Variants in AKAP13 observed in about 807,000 individuals in gnomAD.
AKAP13 encodes A-kinase anchor protein 13.
AKAP13 carries 80 observed loss-of-function variants against 264.5 expected under a neutral mutation model. The observed-to-expected ratio is 0.30, with a 90% CI of 0.25 to 0.36. The LOEUF is 0.36. AKAP13 is among the 10% of genes least tolerant of loss of function. The pLI is 1.00. For missense variants in AKAP13, 3,712 were observed against 3,435.2 expected, an observed-to-expected ratio of 1.08 and a Z score of -2.01; for synonymous variants, 1,380 against 1,250.2, an observed-to-expected ratio of 1.10 and a Z score of -2.19.
intron 8 of AKAP13, among the ~76,000 whole-genome samples, chr15:85,624,834 A>G (rs1162560674): frequency 6.6e-6 from 1 of 152,216 alleles, no homozygotes; most frequent in Non-Finnish European, 1.5e-5. Flanking sequence ...ATGGGAACAC[A>G]TTGTGGGTGT....
At chr15:85,423,565 C>A (rs1344303895) in intron 1 of AKAP13, among the ~76,000 whole-genome samples, 1 of 152,230 alleles carries the variant, frequency 6.6e-6, no homozygotes, top group Non-Finnish European at 1.5e-5. Context: ...GTTTCCACCA[C>A]ATGTCCAGTG....
At chr15:85,625,777 A>G (rs2081381286) in intron 8 of AKAP13, among the ~76,000 whole-genome samples, 1 of 152,242 alleles carries the variant, frequency 6.6e-6, no homozygotes, top group Non-Finnish European at 1.5e-5. Context: ...AAGCACTCTG[A>G]CAGTGTTTCA....
At chr15:85,720,468 C>G (rs1251327174) in intron 23 of AKAP13, among the ~76,000 whole-genome samples, 1 of 152,148 alleles carries the variant, frequency 6.6e-6, no homozygotes, top group East Asian at 1.9e-4. Flanking sequence ...AAAAATTCAG[C>G]TAAAATTACT....
chr15:85,638,516 C>A (rs1336267080), intron 8 of AKAP13, among the ~76,000 whole-genome samples: 1 of 152,084 alleles, frequency 6.6e-6, no homozygotes, highest in Non-Finnish European at 1.5e-5. Context: ...CAAGTTTTCT[C>A]TATCTTGCTG....
At chr15:85,494,625 T>TAG (rs2075821425) in intron 2 of AKAP13, among the ~76,000 whole-genome samples, 1 of 152,106 alleles carries the variant, frequency 6.6e-6, no homozygotes, top group African/African-American at 2.4e-5. Context: ...CATTGTATGT[T>TAG]AGGAGTGGTT....
intron 1 of AKAP13, among the ~76,000 whole-genome samples, chr15:85,395,802 G>A (rs765597505): frequency 5.8e-4 from 88 of 151,892 alleles, no homozygotes; most frequent in Non-Finnish European, 1.0e-3. Flanking sequence ...TCCTTTCCCC[G>A]GTTAATCTAG....
chr15:85,515,179 A>G (rs1368444242), intron 2 of AKAP13, among the ~76,000 whole-genome samples: 4 of 138,818 alleles, frequency 2.9e-5, no homozygotes, highest in African/African-American at 5.8e-5. Flanking sequence ...TTGATTATAA[A>G]TTATTTGAGC....
At chr15:85,619,964 A>G in intron 8 of AKAP13, 1 of 1,458,752 alleles carries the variant, frequency 6.9e-7, no homozygotes, top group East Asian at 2.5e-5. Context: ...AATAGAGAGG[A>G]GTCTGGAAGG....
At position 85,685,103 on chromosome 15, in the gene AKAP13, T is replaced by A. The variant is rs2084818465; in HGVS notation, c.5289+230T>A. Reference sequence around the variant, plus strand: ...TGCTAAGTGCTTTCCATATATTATTTAACCCTTTCAACAACCCTGTCAGGT... The same window carrying A: ...TGCTAAGTGCTTTCCATATATTATTAAACCCTTTCAACAACCCTGTCAGGT... On this transcript the variant is annotated intron_variant, in intron 16 of 36. Transcript: ENST00000394518. The A allele has an allele frequency of 9.2e-6, 4 of 435,124 alleles. No homozygotes were observed. The South Asian group carries it at 1.7e-4, about 18-fold the overall frequency. 27.0% of individuals were successfully genotyped at this position (435,124 alleles called of 1,614,324 possible). A position where few individuals can be genotyped will look rare whatever the true frequency, so the allele number is the denominator to read the frequency against.
At chr15:85,382,328 T>C (rs990444625) in intron 1 of AKAP13, among the ~76,000 whole-genome samples, 12 of 152,218 alleles carry the variant, frequency 7.9e-5, no homozygotes, top group African/African-American at 2.9e-4. Context: ...GCTTTTCTGG[T>C]TTGGTGGGCC....
intron 1 of AKAP13, among the ~76,000 whole-genome samples, chr15:85,454,792 T>G (rs572394526): frequency 3.3e-5 from 5 of 152,338 alleles, no homozygotes; most frequent in African/African-American, 9.6e-5. Context: ...AACGAGACTT[T>G]GCACACCTTA....
At chr15:85,640,625 C>CA (rs776006584) in intron 9 of AKAP13, among the ~76,000 whole-genome samples, 17 of 152,150 alleles carry the variant, frequency 1.1e-4, no homozygotes, top group Non-Finnish European at 2.5e-4. Flanking sequence ...TGGCCCTGTT[C>CA]ACAGATTTAG....
chr15:85,592,386 G>A (rs1244262461), intron 8 of AKAP13, among the ~76,000 whole-genome samples: 1 of 152,132 alleles, frequency 6.6e-6, no homozygotes, highest in East Asian at 1.9e-4. Flanking sequence ...AGGCTATTTG[G>A]TGACTAATCC....
chr15:85,412,031 T>C (rs2071996349), intron 1 of AKAP13, among the ~76,000 whole-genome samples: 1 of 152,256 alleles, frequency 6.6e-6, no homozygotes, highest in Non-Finnish European at 1.5e-5. Flanking sequence ...TATTGTATAA[T>C]GAAATGTATC....
intron 6 of AKAP13, chr15:85,577,752 T>C: frequency 1.0e-6 from 1 of 953,394 alleles, no homozygotes; most frequent in Non-Finnish European, 1.2e-6. Context: ...ATGTTCTGAT[T>C]TTATCAAAAG....
At chr15:85,542,437 A>G (rs1359875628) in intron 4 of AKAP13, among the ~76,000 whole-genome samples, 2 of 152,238 alleles carry the variant, frequency 1.3e-5, no homozygotes, top group African/African-American at 4.8e-5. Flanking sequence ...TCAGTGTAAA[A>G]TCACAGCTTC....
chr15:85,579,862 A>C lies in AKAP13; in HGVS notation c.1794A>C (p.Ser598=), dbSNP rs1476292764. Residue 598 remains serine, a synonymous_variant, in exon 7 of 37, where the codon TCA becomes TCC. Transcript: ENST00000394518. ...CAGCTGCTGCAAAAGACAAGATTTCAGATGGATTAGAACCTTATACTCTCT... is the reference window on the plus strand; with the variant it reads ...CAGCTGCTGCAAAAGACAAGATTTCCGATGGATTAGAACCTTATACTCTCT... ...VIPAAAKDKI[S]DGLEPYTLLA... 9 of 1,614,202 alleles carry C rather than the reference A, an allele frequency of 5.6e-6. No homozygotes were observed. In the Admixed American group the frequency reaches 1.5e-4, roughly 27 times the overall value.
chr15:85,659,456 T>A (rs1419191827), intron 12 of AKAP13, among the ~76,000 whole-genome samples: 1 of 152,236 alleles, frequency 6.6e-6, no homozygotes, highest in Non-Finnish European at 1.5e-5. Context: ...TTTCTTTAAT[T>A]CCAGATTTTA....
At chr15:85,390,560 G>C (rs2070805954) in intron 1 of AKAP13, among the ~76,000 whole-genome samples, 1 of 120,798 alleles carries the variant, frequency 8.3e-6, no homozygotes, top group South Asian at 2.6e-4. Context: ...TGAAGGATTT[G>C]AGCAAGGCAT....
Sources: gnomAD v4.1 joint callset for allele counts (sites outside exome capture counted in the v4.1 genomes callset) on GRCh38, gnomAD v4.1.1 for gene constraint, MANE v1.5 for transcripts, NCBI Gene and HGNC (gene_info 2026-07-23, HGNC 2026-07-21) for gene names.